The following ARHGAP6 variants were observed in gnomAD, a reference collection of about 807,000 sequenced individuals.
ARHGAP6 encodes the protein rho GTPase-activating protein 6.
Under a neutral mutation model 55.7 loss-of-function variants are expected in ARHGAP6, and 16 were observed. The observed-to-expected ratio is 0.29, with a 90% CI of 0.19 to 0.44. The LOEUF (loss-of-function observed/expected upper bound fraction) is 0.44, where lower values mean the gene tolerates loss of function less well. ARHGAP6 is among the 20% of genes least tolerant of loss of function. The pLI is 1.00. For missense variants in ARHGAP6, 698 were observed against 808.9 expected (o/e 0.86, Z 1.66); for synonymous variants, 382 against 360.9 (o/e 1.06, Z -0.66).
chrX:11,346,348 A>T lies in ARHGAP6; in HGVS notation c.589-91641T>A, dbSNP rs1482191249. 1.7e-4 allele frequency among the ~76,000 whole-genome samples: 19 copies of T among 111,630 alleles called. No individual in the cohort carries two copies. The Admixed American group carries it at 1.8e-3, about 11-fold the overall frequency. ...ACATCAGAGTTGAGTAGTTGTGACA[A>T]AATCTGTATAGCCTCAAAAGCCTGA... On this transcript the variant is annotated intron_variant, in intron 1 of 12. Coordinates refer to ENST00000337414, the MANE Select transcript of ARHGAP6 (RefSeq NM_013427.3).
At chrX:11,296,911 T>C (rs2048094898) in intron 1 of ARHGAP6, 1 of 1,087,465 alleles carries the variant, frequency 9.2e-7, no homozygotes. Flanking sequence ...TGATTCTTTA[T>C]CCCAGATGTT....
At chrX:11,458,929 G>C (rs888946206) in intron 1 of ARHGAP6, among the ~76,000 whole-genome samples, 4 of 111,210 alleles carry the variant, frequency 3.6e-5, no homozygotes, top group Non-Finnish European at 7.5e-5. Context: ...TCAGGAAAGA[G>C]GAGGTGGGAT....
At chrX:11,427,898 T>C in intron 1 of ARHGAP6, 1 of 557,391 alleles carries the variant, frequency 1.8e-6, no homozygotes, top group Non-Finnish European at 2.2e-6. Flanking sequence ...GGCGGGCGTT[T>C]AATTCCTTCC....
intron 1 of ARHGAP6, among the ~76,000 whole-genome samples, chrX:11,490,267 T>C (rs1161369424): frequency 9.0e-6 from 1 of 110,969 alleles, no homozygotes; most frequent in Admixed American, 9.6e-5. Flanking sequence ...AGGAAGTGAG[T>C]TGCCATGTTG....
At chrX:11,648,241 G>A (rs2052550166) in intron 1 of ARHGAP6, among the ~76,000 whole-genome samples, 1 of 111,595 alleles carries the variant, frequency 9.0e-6, no homozygotes, top group Non-Finnish European at 1.9e-5. Flanking sequence ...ATGTATACAT[G>A]CATTGAAATA....
intron 1 of ARHGAP6, among the ~76,000 whole-genome samples, chrX:11,552,561 T>C (rs1601637793): frequency 2.5e-5 from 1 of 40,206 alleles, no homozygotes; most frequent in Non-Finnish European, 4.6e-5. Flanking sequence ...GTGCCATATA[T>C]ATATATATAT....
chrX:11,529,399 C>CT (rs1304929790), intron 1 of ARHGAP6, among the ~76,000 whole-genome samples: 1 of 111,893 alleles, frequency 8.9e-6, no homozygotes, highest in Admixed American at 9.5e-5. Flanking sequence ...AAATAAATTA[C>CT]TAAAAAGGGG....
intron 1 of ARHGAP6, among the ~76,000 whole-genome samples, chrX:11,389,650 A>T (rs2049377844): frequency 8.9e-6 from 1 of 112,649 alleles, no homozygotes; most frequent in Middle Eastern, 4.2e-3. Context: ...ACATGTCCTA[A>T]ATAATACATT....
Position 11,434,006 on chromosome X carries a change from G to T in ARHGAP6, c.589-179299C>A, listed in dbSNP as rs891642813. Among the ~76,000 whole-genome samples the T allele has an allele frequency of 2.7e-5, 3 of 111,498 alleles. No individual in the cohort carries two copies. The South Asian group carries it at 1.1e-3, about 42-fold the overall frequency. On this transcript the variant is annotated intron_variant, in intron 1 of 12. Coordinates refer to ENST00000337414, the MANE Select transcript of ARHGAP6 (RefSeq NM_013427.3). ...CTGGTGTCCCATCCACACCTCCTAG[G>T]CCAGTGATTCTCAACAGGGGAAATT...
intron 1 of ARHGAP6, among the ~76,000 whole-genome samples, chrX:11,518,143 CTTTCT>C (rs1308485269): frequency 9.0e-6 from 1 of 110,665 alleles, no homozygotes; most frequent in African/African-American, 3.3e-5. Context: ...ATTTTCTTTT[CTTTCT>C]TTTCTTTTCC....
At chrX:11,364,711 A>G (rs895493770) in intron 1 of ARHGAP6, among the ~76,000 whole-genome samples, 1 of 112,072 alleles carries the variant, frequency 8.9e-6, no homozygotes, top group African/African-American at 3.2e-5. Context: ...GTGGTCTTAA[A>G]TAAGATGCAA....
At chrX:11,169,164 T>C (rs1171040861) in intron 9 of ARHGAP6, 1 of 153,374 alleles carries the variant, frequency 6.5e-6, no homozygotes, top group Non-Finnish European at 1.3e-5. Context: ...TGCTTATGAA[T>C]ACATGAATTC....
At chrX:11,629,873 C>A (rs1360868850) in intron 1 of ARHGAP6, among the ~76,000 whole-genome samples, 1 of 111,665 alleles carries the variant, frequency 9.0e-6, no homozygotes, top group Non-Finnish European at 1.9e-5. Context: ...TTTTGAGAAC[C>A]AGCCAGATTT....
intron 1 of ARHGAP6, among the ~76,000 whole-genome samples, chrX:11,311,167 C>T (rs759505190): frequency 1.6e-4 from 18 of 111,659 alleles, no homozygotes; most frequent in African/African-American, 4.9e-4. Flanking sequence ...AATTAGAAGG[C>T]GATGCCAATG....
At chrX:11,557,155 G>T (rs1601641898) in intron 1 of ARHGAP6, among the ~76,000 whole-genome samples, 2 of 112,445 alleles carry the variant, frequency 1.8e-5, no homozygotes, top group East Asian at 2.8e-4. Flanking sequence ...CTCTTTCCAA[G>T]AAGGTAATAC....
chrX:11,161,918 T>G (rs1468226247), intron 9 of ARHGAP6, among the ~76,000 whole-genome samples: 1 of 111,769 alleles, frequency 8.9e-6, no homozygotes. Flanking sequence ...ACTGCAATGG[T>G]CTTGAAGTCA....
At chrX:11,485,548 C>T (rs1603228602) in intron 1 of ARHGAP6, among the ~76,000 whole-genome samples, 2 of 112,875 alleles carry the variant, frequency 1.8e-5, no homozygotes, top group African/African-American at 6.4e-5. Flanking sequence ...ACTTTTGTCT[C>T]TCTTCCACAC....
chrX:11,303,161 T>C (rs2048191716), intron 1 of ARHGAP6, among the ~76,000 whole-genome samples: 1 of 112,855 alleles, frequency 8.9e-6, no homozygotes. Flanking sequence ...TCCACATTGC[T>C]TTAATAAAAT....
chrX:11,156,365 C>T (rs934362639), intron 10 of ARHGAP6, among the ~76,000 whole-genome samples, 164 bp downstream of exon 10: 1 of 112,075 alleles, frequency 8.9e-6, no homozygotes, highest in African/African-American at 3.2e-5. Flanking sequence ...TGATGGGACC[C>T]GAAGCATTTT....
Sources: gnomAD v4.1 joint callset for allele counts (sites outside exome capture counted in the v4.1 genomes callset) on GRCh38, gnomAD v4.1.1 for gene constraint, MANE v1.5 for transcripts, NCBI Gene and HGNC (gene_info 2026-07-23, HGNC 2026-07-21) for gene names.